The following NPAS3 variants were observed in gnomAD, a reference collection of about 807,000 sequenced individuals.
NPAS3 encodes neuronal PAS domain protein 3.
NPAS3 carries 14 observed loss-of-function variants against 73.1 expected under a neutral mutation model. The observed-to-expected ratio is 0.19, with a 90% confidence interval of 0.13 to 0.30. NPAS3 has a LOEUF of 0.30. NPAS3 is among the 10% of genes least tolerant of loss of function. NPAS3 has a pLI of 1.00. For synonymous variants in NPAS3, 620 were observed against 541.5 expected (o/e 1.14, Z -2.01); for missense variants, 1,096 against 1,250.0 (o/e 0.88, Z 1.86).
At chr14:33,339,524 C>G (rs575212101) in intron 3 of NPAS3, among the ~76,000 whole-genome samples, 70 of 152,316 alleles carry the variant, frequency 4.6e-4, no homozygotes, top group Non-Finnish European at 8.2e-4. Flanking sequence ...GCTACATAGT[C>G]TATATACTCT....
At chr14:33,011,011 T>C (rs888474204) in intron 1 of NPAS3, among the ~76,000 whole-genome samples, 3 of 151,336 alleles carry the variant, frequency 2.0e-5, no homozygotes, top group African/African-American at 7.3e-5. Flanking sequence ...GAAAGACTAA[T>C]AATTATTTTT....
At chr14:33,172,800 T>C (rs150550422) in intron 2 of NPAS3, among the ~76,000 whole-genome samples, 10 of 152,258 alleles carry the variant, frequency 6.6e-5, no homozygotes, top group African/African-American at 2.4e-4. Context: ...GTTCATCTTA[T>C]ATCAAAAATT....
chr14:33,120,268 T>C (rs1283585720), intron 2 of NPAS3, among the ~76,000 whole-genome samples: 1 of 152,176 alleles, frequency 6.6e-6, no homozygotes, highest in African/African-American at 2.4e-5. Context: ...CCATACTTTT[T>C]ATTTCTATCA....
chr14:33,676,531 A>T, intron 6 of NPAS3, 146 bp downstream of exon 6: 1 of 543,360 alleles, frequency 1.8e-6, no homozygotes. Context: ...CAGTAATTAA[A>T]TAAGGAAGAG....
intron 2 of NPAS3, among the ~76,000 whole-genome samples, chr14:33,208,189 T>A (rs1306124213): frequency 6.6e-6 from 1 of 152,068 alleles, no homozygotes; most frequent in Non-Finnish European, 1.5e-5. Context: ...CTTTGATTCA[T>A]GAGGTTTTTG....
chr14:33,343,774 G>A (rs369143395), intron 3 of NPAS3, among the ~76,000 whole-genome samples: 3 of 152,284 alleles, frequency 2.0e-5, no homozygotes, highest in Non-Finnish European at 2.9e-5. Context: ...AAGCAATACC[G>A]TGATGGAATT....
At chr14:33,797,344 T>C (rs1056611946) in intron 10 of NPAS3, 113 bp from the exon 11 acceptor site, 2 of 1,201,894 alleles carry the variant, frequency 1.7e-6, no homozygotes, top group African/African-American at 3.1e-5. Context: ...TGTTTAGTCT[T>C]TGAAACTTTC....
At chr14:33,066,466 A>C (rs569291963) in intron 2 of NPAS3, among the ~76,000 whole-genome samples, 1 of 152,178 alleles carries the variant, frequency 6.6e-6, no homozygotes. Context: ...TTAATTTATC[A>C]TGGTACTTGG....
intron 4 of NPAS3, among the ~76,000 whole-genome samples, chr14:33,518,376 T>A (rs539871921): frequency 2.6e-5 from 4 of 152,196 alleles, no homozygotes; most frequent in South Asian, 4.2e-4. Flanking sequence ...AATAATTGAA[T>A]CTGATAATAG....
chr14:32,957,252 GTTA>G (rs1474960505), intron 1 of NPAS3, among the ~76,000 whole-genome samples: 1 of 151,526 alleles, frequency 6.6e-6, no homozygotes, highest in African/African-American at 2.4e-5. Flanking sequence ...TTATTTCACT[GTTA>G]TTATATATTA....
intron 6 of NPAS3, among the ~76,000 whole-genome samples, chr14:33,683,258 T>G (rs1025418591): frequency 1.6e-3 from 246 of 152,188 alleles, no homozygotes; most frequent in African/African-American, 5.9e-3. Context: ...ATTGAAGGTT[T>G]AGGAAGTCAA....
intron 3 of NPAS3, among the ~76,000 whole-genome samples, chr14:33,341,385 A>G (rs1437681766): frequency 2.0e-5 from 3 of 152,248 alleles, no homozygotes; most frequent in Non-Finnish European, 4.4e-5. Flanking sequence ...TTGTTCTGTA[A>G]GAACAGAAAT....
chr14:33,355,284 T>G (rs915569471), intron 3 of NPAS3, among the ~76,000 whole-genome samples: 1 of 152,184 alleles, frequency 6.6e-6, no homozygotes, highest in South Asian at 2.1e-4. Context: ...CTCCTTTTCC[T>G]GCAGTCCTCC....
At chr14:33,386,133 T>C (rs1156974309) in intron 4 of NPAS3, among the ~76,000 whole-genome samples, 2 of 152,042 alleles carry the variant, frequency 1.3e-5, no homozygotes, top group African/African-American at 4.8e-5. Context: ...TAATTTTAGA[T>C]GGTGATTTAC....
At position 33,144,632 on chromosome 14, in the gene NPAS3, C is replaced by T. The variant is rs540340531; in HGVS notation, c.141-70550C>T. ...TCATGGCTCACTAGAGCCTTGAACTCCTGGGATCAAGCGATCCTCCTGCTT... is the reference window on the plus strand; with the variant it reads ...TCATGGCTCACTAGAGCCTTGAACTTCTGGGATCAAGCGATCCTCCTGCTT... On this transcript the variant is annotated intron_variant, in intron 2 of 11. Transcript: ENST00000356141. Among the ~76,000 whole-genome samples, 7 of 152,278 alleles carry T rather than the reference C, an allele frequency of 4.6e-5. No individual in the cohort carries two copies. The East Asian group carries it at 1.4e-3, about 29-fold the overall frequency.
At chr14:33,228,468 G>A (rs1462388784) in intron 3 of NPAS3, among the ~76,000 whole-genome samples, 1 of 152,134 alleles carries the variant, frequency 6.6e-6, no homozygotes, top group Non-Finnish European at 1.5e-5. Flanking sequence ...TGCTGAAACA[G>A]TGAATAGAGC....
chr14:33,570,897 G>A (rs1250622434), intron 5 of NPAS3, among the ~76,000 whole-genome samples: 1 of 152,142 alleles, frequency 6.6e-6, no homozygotes, highest in Non-Finnish European at 1.5e-5. Flanking sequence ...AGACAATCCT[G>A]AATCATGATG....
intron 4 of NPAS3, among the ~76,000 whole-genome samples, chr14:33,431,599 T>A (rs960748662): frequency 2.6e-5 from 4 of 152,208 alleles, no homozygotes; most frequent in Non-Finnish European, 4.4e-5. Context: ...TTTTAAATAT[T>A]TGTTATCTCT....
At chr14:33,571,009 C>G (rs1175974013) in intron 5 of NPAS3, among the ~76,000 whole-genome samples, 1 of 152,108 alleles carries the variant, frequency 6.6e-6, no homozygotes, top group Non-Finnish European at 1.5e-5. Flanking sequence ...GTGCCAAGTA[C>G]GAGTATTTCT....
Sources: gnomAD v4.1 joint callset for allele counts (sites outside exome capture counted in the v4.1 genomes callset) on GRCh38, gnomAD v4.1.1 for gene constraint, MANE v1.5 for transcripts, NCBI Gene and HGNC (gene_info 2026-07-23, HGNC 2026-07-21) for gene names.